OPHN1: variants seen among roughly 807,000 people sequenced by gnomAD.
OPHN1 encodes oligophrenin 1, also known as oligophrenin-1.
Under a neutral mutation model 60.7 loss-of-function variants are expected in OPHN1, and 11 were observed. The ratio of observed to expected loss-of-function variants is 0.18; its 90% CI spans 0.11 to 0.30. OPHN1 has a LOEUF of 0.30. OPHN1 is among the 10% of genes least tolerant of loss of function. The pLI is 1.00. For synonymous variants in OPHN1, 226 were observed against 222.6 expected (o/e 1.02, Z -0.14); for missense variants, 449 against 611.0 (o/e 0.73, Z 2.80).
chrX:68,220,837 C>T (rs1198088590), intron 6 of OPHN1, among the ~76,000 whole-genome samples: 1 of 53,785 alleles, frequency 1.9e-5, no homozygotes, highest in Non-Finnish European at 4.6e-5. Context: ...ACTGAATGGG[C>T]AAAAACTGGA....
At chrX:68,265,029 G>A (rs764132225) in intron 5 of OPHN1, among the ~76,000 whole-genome samples, 6 of 112,505 alleles carry the variant, frequency 5.3e-5, no homozygotes, top group Non-Finnish European at 7.5e-5. Context: ...CAAAGCAGCC[G>A]GGAAGCTCAA....
chrX:68,280,177 A>G (rs918927866), intron 4 of OPHN1, among the ~76,000 whole-genome samples: 1 of 111,756 alleles, frequency 8.9e-6, no homozygotes, highest in Non-Finnish European at 1.9e-5. Flanking sequence ...AATATTTTAA[A>G]CTAAGAAAAT....
chrX:68,070,631 G>A (rs1229314553), intron 20 of OPHN1: 1 of 734,997 alleles, frequency 1.4e-6, no homozygotes, highest in East Asian at 3.2e-5. Flanking sequence ...TGTTCCATTT[G>A]GCACAGCAAG....
At chrX:68,412,431 T>C (rs1184286032) in intron 2 of OPHN1, among the ~76,000 whole-genome samples, 3 of 110,596 alleles carry the variant, frequency 2.7e-5, no homozygotes, top group African/African-American at 9.9e-5. Flanking sequence ...ATTTATAGAG[T>C]AGTCAAATTC....
At chrX:68,382,273 G>A (rs1356161427) in intron 2 of OPHN1, among the ~76,000 whole-genome samples, 2 of 110,869 alleles carry the variant, frequency 1.8e-5, no homozygotes, top group Non-Finnish European at 3.8e-5. Context: ...CTTGAATCTG[G>A]GAGGCAGAGG....
intron 2 of OPHN1, among the ~76,000 whole-genome samples, chrX:68,377,424 TA>T (rs2078565471): frequency 9.3e-6 from 1 of 107,757 alleles, no homozygotes; most frequent in Non-Finnish European, 1.9e-5. Context: ...TTTTATTTTT[TA>T]TTTTTTATTA....
intron 19 of OPHN1, 29 bp downstream of exon 19, chrX:68,096,841 G>A (rs763046684): frequency 8.4e-7 from 1 of 1,196,970 alleles, no homozygotes; most frequent in Admixed American, 2.2e-5. Flanking sequence ...ATGTTTGGAA[G>A]ACAGGTAGTG....
At chrX:68,413,153 G>A (rs143748136) in intron 2 of OPHN1, among the ~76,000 whole-genome samples, 172 of 111,572 alleles carry the variant, frequency 1.5e-3, no homozygotes, top group Non-Finnish European at 1.7e-3. Context: ...GTATGCAATA[G>A]ACCCTATTTA....
chrX:68,198,890 T>A (rs376123417), intron 11 of OPHN1, among the ~76,000 whole-genome samples: 4 of 111,652 alleles, frequency 3.6e-5, no homozygotes, highest in South Asian at 7.6e-4. Flanking sequence ...TTAAAGCACC[T>A]CTTAATGACA....
intron 2 of OPHN1, among the ~76,000 whole-genome samples, chrX:68,390,165 T>G (rs2078646496): frequency 9.0e-6 from 1 of 111,566 alleles, no homozygotes; most frequent in Non-Finnish European, 1.9e-5. Context: ...GTCCCTCCAG[T>G]GACACATGGG....
intron 19 of OPHN1, among the ~76,000 whole-genome samples, chrX:68,094,080 T>C (rs1232005293): frequency 9.0e-6 from 1 of 111,048 alleles, no homozygotes; most frequent in African/African-American, 3.3e-5. Flanking sequence ...CATTTTTATA[T>C]AAAATGAGAG....
At chrX:68,340,431 A>G (rs953379771) in intron 2 of OPHN1, among the ~76,000 whole-genome samples, 4 of 112,211 alleles carry the variant, frequency 3.6e-5, no homozygotes, top group Non-Finnish European at 7.5e-5. Flanking sequence ...ATTTATTTTC[A>G]AAAAAATGTC....
At chrX:68,322,805 A>T (rs1365763724) in intron 2 of OPHN1, among the ~76,000 whole-genome samples, 1 of 111,534 alleles carries the variant, frequency 9.0e-6, no homozygotes, top group Non-Finnish European at 1.9e-5. Flanking sequence ...ATAAAACAAA[A>T]CAGAAAGTTG....
At chrX:68,412,439 T>C (rs5965572) in intron 2 of OPHN1, among the ~76,000 whole-genome samples, 6,088 of 111,411 alleles carry the variant, frequency 0.055, 418 homozygotes, top group African/African-American at 0.19. Context: ...AGTAGTCAAA[T>C]TCATAAAGAC....
chrX:68,398,804 C>T (rs750251820), intron 2 of OPHN1, among the ~76,000 whole-genome samples: 1 of 110,368 alleles, frequency 9.1e-6, no homozygotes, highest in Admixed American at 9.7e-5. Flanking sequence ...CAAAAATTAG[C>T]CAGGCGTAGT....
At chrX:68,098,347 C>T (rs2077045377) in intron 18 of OPHN1, among the ~76,000 whole-genome samples, 1 of 111,575 alleles carries the variant, frequency 9.0e-6, no homozygotes, top group South Asian at 3.8e-4. Flanking sequence ...AATTGAGCTC[C>T]CTAGTGCTGT....
intron 2 of OPHN1, among the ~76,000 whole-genome samples, chrX:68,312,096 T>G (rs2078176284): frequency 1.0e-5 from 1 of 95,899 alleles, no homozygotes; most frequent in African/African-American, 4.1e-5. Context: ...TGAAATTATA[T>G]TCTATTTTTT....
chrX:68,138,353 A>G (rs1237227148), intron 15 of OPHN1, among the ~76,000 whole-genome samples: 1 of 112,510 alleles, frequency 8.9e-6, no homozygotes, highest in African/African-American at 3.2e-5. Flanking sequence ...AGAAACAAAA[A>G]GGCAATGTGA....
At chrX:68,415,514 C>G (rs916611257) in intron 2 of OPHN1, among the ~76,000 whole-genome samples, 1 of 111,287 alleles carries the variant, frequency 9.0e-6, no homozygotes, top group East Asian at 2.8e-4. Context: ...GTAGCCTTCA[C>G]TACTTGGTGT....
Sources: gnomAD v4.1 joint callset for allele counts (sites outside exome capture counted in the v4.1 genomes callset) on GRCh38, gnomAD v4.1.1 for gene constraint, MANE v1.5 for transcripts, NCBI Gene and HGNC (gene_info 2026-07-23, HGNC 2026-07-21) for gene names.